The following FRMPD4 variants were observed in gnomAD, a reference collection of about 807,000 sequenced individuals.
The protein encoded by FRMPD4 is FERM and PDZ domain-containing protein 4.
A neutral mutation model predicts 94.1 loss-of-function variants in FRMPD4; 22 were observed. That is an observed-to-expected ratio of 0.23 (90% CI 0.17 to 0.33). The LOEUF (loss-of-function observed/expected upper bound fraction) is 0.33. FRMPD4 is among the 10% of genes least tolerant of loss of function. The pLI is 1.00. For synonymous variants in FRMPD4, 631 were observed against 548.6 expected, an observed-to-expected ratio of 1.15 and a Z score of -2.10; for missense variants, 1,111 against 1,339.9, an observed-to-expected ratio of 0.83 and a Z score of 2.67.
chrX:12,694,071 C>A (rs2060103994), intron 8 of FRMPD4, among the ~76,000 whole-genome samples: 1 of 111,496 alleles, frequency 9.0e-6, no homozygotes, highest in Non-Finnish European at 1.9e-5. Flanking sequence ...ACCTGCTTCC[C>A]CCACTCCCTT....
At chrX:12,008,548 G>T (rs2054565780) in intron 3 of FRMPD4, among the ~76,000 whole-genome samples, 1 of 112,639 alleles carries the variant, frequency 8.9e-6, no homozygotes, top group Admixed American at 9.4e-5. Context: ...TCAGCAGAAG[G>T]CAGAATATAA....
At chrX:11,956,050 C>T (rs1243040487) in intron 3 of FRMPD4, among the ~76,000 whole-genome samples, 1 of 112,151 alleles carries the variant, frequency 8.9e-6, no homozygotes, top group Non-Finnish European at 1.9e-5. Context: ...CAGCTTCTCT[C>T]ATCTGTGAAC....
chrX:12,694,089 T>C (rs73432865), intron 8 of FRMPD4, among the ~76,000 whole-genome samples: 2,447 of 111,445 alleles, frequency 0.022, 55 homozygotes, highest in African/African-American at 0.068. Flanking sequence ...CTTACTAGCC[T>C]CCCCTGGGAG....
intron 1 of FRMPD4, among the ~76,000 whole-genome samples, chrX:12,273,201 A>C (rs1398057188): frequency 8.9e-6 from 1 of 112,533 alleles, no homozygotes; most frequent in Non-Finnish European, 1.9e-5. Context: ...TAGGATAGTA[A>C]GTACTTTTTG....
intron 1 of FRMPD4, among the ~76,000 whole-genome samples, chrX:12,467,897 A>C (rs1324011148): frequency 8.9e-6 from 1 of 112,011 alleles, no homozygotes; most frequent in Non-Finnish European, 1.9e-5. Context: ...TTTTAAAAAA[A>C]GATCAAAAAT....
intron 1 of FRMPD4, among the ~76,000 whole-genome samples, chrX:12,157,151 C>T (rs2055948417): frequency 8.9e-6 from 1 of 111,905 alleles, no homozygotes; most frequent in South Asian, 3.7e-4. Context: ...AACAGAAGTT[C>T]CACAAAATAT....
chrX:12,418,014 A>C (rs1229454938), intron 1 of FRMPD4, among the ~76,000 whole-genome samples: 1 of 107,063 alleles, frequency 9.3e-6, no homozygotes, highest in South Asian at 4.0e-4. Context: ...AAAAAAAAAC[A>C]AACAACAACA....
intron 2 of FRMPD4, among the ~76,000 whole-genome samples, chrX:12,553,169 T>A (rs868690536): frequency 4.0e-5 from 4 of 99,786 alleles, no homozygotes; most frequent in African/African-American, 1.1e-4. Context: ...GTAAGTAAAG[T>A]AAGAAAGAAA....
chrX:12,294,347 C>A (rs757402211), intron 1 of FRMPD4, among the ~76,000 whole-genome samples: 1 of 111,252 alleles, frequency 9.0e-6, no homozygotes, highest in Non-Finnish European at 1.9e-5. Context: ...TTGAGCCCAA[C>A]AAGTCTTAGA....
intron 2 of FRMPD4, among the ~76,000 whole-genome samples, chrX:12,572,347 A>AT (rs1391299177): frequency 2.7e-5 from 3 of 112,436 alleles, no homozygotes. Context: ...CTGTATAAAC[A>AT]TATTAAGGTA....
chrX:11,934,757 A>G (rs2054142606), intron 3 of FRMPD4, among the ~76,000 whole-genome samples: 1 of 112,148 alleles, frequency 8.9e-6, no homozygotes, highest in Non-Finnish European at 1.9e-5. Flanking sequence ...AAGGCCTAGA[A>G]CAGGGTCTGA....
At chrX:12,153,861 G>C (rs1445921805) in intron 1 of FRMPD4, among the ~76,000 whole-genome samples, 1 of 112,565 alleles carries the variant, frequency 8.9e-6, no homozygotes, top group Non-Finnish European at 1.9e-5. Context: ...CAAAAATCAG[G>C]AAGAGAATAA....
intron 3 of FRMPD4, among the ~76,000 whole-genome samples, chrX:11,971,953 A>G (rs138458864): frequency 0.012 from 1,343 of 111,839 alleles, 5 homozygotes; most frequent in South Asian, 0.018. Flanking sequence ...TTGTTTGGTG[A>G]ACAGATGCCC....
At chrX:12,601,619 G>C (rs2059085051) in intron 2 of FRMPD4, among the ~76,000 whole-genome samples, 1 of 111,919 alleles carries the variant, frequency 8.9e-6, no homozygotes, top group African/African-American at 3.2e-5. Flanking sequence ...AAACTCATGT[G>C]TGCGATCGTA....
chrX:12,117,592 A>G lies in FRMPD4; in HGVS notation c.95+239574A>G, dbSNP rs146492251. On this transcript the variant is annotated intron_variant, in intron 3 of 18. Coordinates refer to the FRMPD4 transcript ENST00000640291. Reference sequence around the variant, plus strand: ...AATAAAAGGACACATTGCCATTTCAATTCCAAATATGATACCAACTGGCTT... The same window carrying G: ...AATAAAAGGACACATTGCCATTTCAGTTCCAAATATGATACCAACTGGCTT... 5.0e-3 allele frequency among the ~76,000 whole-genome samples: 564 copies of G among 111,687 alleles called. 4 individuals are homozygous for G. Among genetic ancestry groups the G allele is most frequent in the African/African-American group, 0.018 (545 of 30,711 alleles).
chrX:12,019,188 A>G (rs2054619954), intron 3 of FRMPD4, among the ~76,000 whole-genome samples: 1 of 107,929 alleles, frequency 9.3e-6, no homozygotes, highest in Non-Finnish European at 1.9e-5. Context: ...TTTTTGGATA[A>G]CAGAATGGCA....
intron 3 of FRMPD4, among the ~76,000 whole-genome samples, chrX:12,006,496 ATTTGCCAATT>A (rs1342118149): frequency 1.8e-5 from 2 of 112,246 alleles, no homozygotes; most frequent in Non-Finnish European, 3.8e-5. Context: ...AAGCCACCAC[ATTTGCCAATT>A]TTTGCTCTTA....
intron 1 of FRMPD4, among the ~76,000 whole-genome samples, chrX:11,837,650 C>G (rs942279212): frequency 1.8e-5 from 2 of 111,518 alleles, no homozygotes; most frequent in African/African-American, 3.3e-5. Context: ...CTTCAAACTG[C>G]TAATCATGAA....
intron 1 of FRMPD4, among the ~76,000 whole-genome samples, chrX:12,328,004 C>T (rs1417431211): frequency 9.0e-6 from 1 of 111,368 alleles, no homozygotes; most frequent in Non-Finnish European, 1.9e-5. Flanking sequence ...ATTTGCCTTG[C>T]TTTGGCCAAT....
Sources: allele counts gnomAD v4.1 joint callset (sites outside exome capture counted in the v4.1 genomes callset), GRCh38; gene constraint gnomAD v4.1.1; transcripts MANE v1.5; gene names NCBI Gene and HGNC (gene_info 2026-07-23, HGNC 2026-07-21).